The following SEPTIN9 variants were observed in gnomAD, a reference collection of about 807,000 sequenced individuals.
The protein encoded by SEPTIN9 is septin 9.
A neutral mutation model predicts 56.6 loss-of-function variants in SEPTIN9; 13 were observed. That is an observed-to-expected ratio of 0.23 (90% CI 0.15 to 0.37). The LOEUF (loss-of-function observed/expected upper bound fraction) is 0.37. Among genes scored for constraint, SEPTIN9 ranks in the 10% least tolerant of loss-of-function variants. SEPTIN9 has a pLI of 1.00. For synonymous variants in SEPTIN9, 332 were observed against 334.1 expected (o/e 0.99, Z 0.07); for missense variants, 650 against 823.1 (o/e 0.79, Z 2.57).
chr17:77,326,776 C>T lies in SEPTIN9; in HGVS notation c.76+19579C>T, dbSNP rs1274740165. 6.6e-6 allele frequency among the ~76,000 whole-genome samples: 1 copy of T among 152,158 alleles called. No individual in the cohort carries two copies. Among genetic ancestry groups the T allele is most frequent in the African/African-American group, 2.4e-5 (1 of 41,428 alleles). Reference sequence around the variant, plus strand: ...GGTAGAATCACAAGGTTCAGCACCACCCCGCAACCTCCAGGTAGGGGAGAG... The same window carrying T: ...GGTAGAATCACAAGGTTCAGCACCATCCCGCAACCTCCAGGTAGGGGAGAG... On this transcript the variant is annotated intron_variant, in intron 2 of 11. Transcript: ENST00000427177. This position sits in a 1 kb window ranked among gnomAD's most constrained non-coding sequence, Gnocchi z 5.1.
At chr17:77,488,121 C>T (rs199759084) in intron 5 of SEPTIN9, 119 bp from the exon 6 acceptor site, 39 of 847,528 alleles carry the variant, frequency 4.6e-5, no homozygotes, top group East Asian at 1.6e-4. Flanking sequence ...ATTAATTTCC[C>T]GGTGTCTCCT....
Position 77,493,058 on chromosome 17 carries a change from A to T in SEPTIN9, c.1555A>T (p.Lys519Ter). ...NGKRILGRKT[K>*]WGTIEVENTT... is the part of the protein sequence containing the mutation. ...CAAGAGGATCCTTGGGAGGAAGACC[A>T]AGTGGGGTACCATCGAAGGTACTCG... Residue 519 changes from lysine to a stop codon, truncating the protein, a stop_gained, in exon 10 of 12, where the codon AAG becomes TAG. Transcript: ENST00000427177. LOFTEE classifies it high-confidence loss of function. 1 of 1,560,838 alleles carries T rather than the reference A, an allele frequency of 6.4e-7. No homozygotes were observed. The highest frequency in any genetic ancestry group is 8.7e-7 in the Non-Finnish European group (1 of 1,152,748).
intron 1 of SEPTIN9, 133 bp from the exon 2 acceptor site, chr17:77,307,008 C>T: frequency 1.1e-6 from 1 of 873,774 alleles, no homozygotes; most frequent in Non-Finnish European, 2.0e-6. Context: ...CCTCTGTCCC[C>T]AGATGGGCCC....
At chr17:77,393,932 G>A (rs775129034) in intron 2 of SEPTIN9, among the ~76,000 whole-genome samples, 6 of 152,134 alleles carry the variant, frequency 3.9e-5, no homozygotes, top group Non-Finnish European at 7.4e-5. Flanking sequence ...AGGTGACACT[G>A]AGGACACTGA....
rs76076155 is a variant in SEPTIN9 at position 77,437,619 on chromosome 17, C to T, written c.721+34916C>T. On this transcript the variant is annotated intron_variant, in intron 3 of 11. Transcript: ENST00000427177. This position sits in a 1 kb window ranked among gnomAD's most constrained non-coding sequence, Gnocchi z 5.3. The stretch of plus-strand genomic sequence containing the variant: ...CCTGATGCTTCTGGTGGGGAGACCT[C>T]AGAGGGGCCTGCCGTCACCATCGCC... 6.4e-3 allele frequency among the ~76,000 whole-genome samples: 969 copies of T among 152,136 alleles called. 14 individuals are homozygous for T. Among genetic ancestry groups the T allele is most frequent in the African/African-American group, 0.022 (932 of 41,482 alleles).
intron 3 of SEPTIN9, among the ~76,000 whole-genome samples, chr17:77,455,646 G>A (rs2144446699): frequency 6.6e-6 from 1 of 152,320 alleles, no homozygotes; most frequent in Non-Finnish European, 1.5e-5. Context: ...CCTCCAAGGG[G>A]GCCCCCAGCG....
chr17:77,443,107 A>T (rs2037611377), intron 3 of SEPTIN9, among the ~76,000 whole-genome samples: 1 of 152,152 alleles, frequency 6.6e-6, no homozygotes, highest in Admixed American at 6.5e-5. Context: ...AAAAGCACAT[A>T]TTATGGGCTG....
chr17:77,487,121 A>C lies in SEPTIN9; in HGVS notation c.914-303A>C, dbSNP rs949945952. 2.0e-5 allele frequency among the ~76,000 whole-genome samples: 3 copies of C among 152,202 alleles called. No individual in the cohort carries two copies. Among genetic ancestry groups the C allele is most frequent in the Admixed American group, 1.3e-4 (2 of 15,286 alleles). ...TGAGCCACCAGGAGACCTCCTGTCC[A>C]GAAAGCACAAGGGGCACAAGAGATG... On this transcript the variant is annotated intron_variant, in intron 4 of 11. Coordinates refer to ENST00000427177, the MANE Select transcript of SEPTIN9 (RefSeq NM_001113491.2). The surrounding 1 kb of genome is among the most constrained non-coding windows in gnomAD (Gnocchi z 4.3).
chr17:77,376,463 T>A, intron 2 of SEPTIN9: 1 of 927,228 alleles, frequency 1.1e-6, no homozygotes, highest in Non-Finnish European at 1.3e-6. Context: ...GGCCCCAGGG[T>A]TCCTGAGGCC....
At chr17:77,388,809 GC>G (rs2035429442) in intron 2 of SEPTIN9, among the ~76,000 whole-genome samples, 3 of 74,086 alleles carry the variant, frequency 4.0e-5, no homozygotes, top group African/African-American at 2.2e-4. Flanking sequence ...GGTGTTAGGC[GC>G]TTTTTTTTTT....
In SEPTIN9 at chr17:77,492,325, G is replaced by C. The variant is rs1217720623; in HGVS notation, c.1381-296G>C. On this transcript the variant is annotated intron_variant, in intron 8 of 11. Transcript: ENST00000427177. The surrounding 1 kb of genome is among the most constrained non-coding windows in gnomAD (Gnocchi z 5.4). ...CAGGAGGGGAGGTCTCGGTAACCCT[G>C]AGTACTTTCTTGGGGCTGTGATGAG... is the stretch of plus-strand genomic sequence containing the variant. 6.6e-6 allele frequency among the ~76,000 whole-genome samples: 1 copy of C among 152,182 alleles called. No individual in the cohort carries two copies. Among genetic ancestry groups the C allele is most frequent in the Non-Finnish European group, 1.5e-5 (1 of 68,022 alleles).
rs200355348 is a variant in SEPTIN9, at chr17:77,431,076, C to G, written c.721+28373C>G. The stretch of plus-strand genomic sequence containing the variant: ...AAGCAATCTTTGCTGGGCGTGGTGG[C>G]TCACGCCTGTAATCCCAGCTTTGGG... On this transcript the variant is annotated intron_variant, in intron 3 of 11. Transcript: ENST00000427177. Among the ~76,000 whole-genome samples the G allele has an allele frequency of 2.0e-5, 3 of 151,828 alleles. No individual in the cohort carries two copies. The East Asian group carries it at 5.8e-4, about 29-fold the overall frequency.
At chr17:77,401,240 C>T (rs550351148) in intron 2 of SEPTIN9, among the ~76,000 whole-genome samples, 11 of 152,274 alleles carry the variant, frequency 7.2e-5, no homozygotes, top group South Asian at 2.1e-4. Flanking sequence ...TCGGTAGGCC[C>T]GGCGCCTCGC....
Position 77,324,442 on chromosome 17 carries a change from C to T in SEPTIN9, c.76+17245C>T, listed in dbSNP as rs138424472. Reference sequence around the variant, plus strand: ...GCCTTTTCCACTCGTTTCTGTGCTCCTGGTGAGGTGTCGGGGTCGGGCTTA... The same window carrying T: ...GCCTTTTCCACTCGTTTCTGTGCTCTTGGTGAGGTGTCGGGGTCGGGCTTA... On this transcript the variant is annotated intron_variant, in intron 2 of 11. Coordinates refer to ENST00000427177, the MANE Select transcript of SEPTIN9 (RefSeq NM_001113491.2). Among the ~76,000 whole-genome samples the T allele has an allele frequency of 2.5e-3, 376 of 152,244 alleles. 1 individual carries two copies. Among genetic ancestry groups the T allele is most frequent in the African/African-American group, 8.7e-3 (361 of 41,546 alleles).
chr17:77,385,774 T>C (rs1901473289), intron 2 of SEPTIN9, among the ~76,000 whole-genome samples: 1 of 152,152 alleles, frequency 6.6e-6, no homozygotes, highest in Non-Finnish European at 1.5e-5. Context: ...CTGCCAGCAC[T>C]GCTTGCTTCT....
intron 1 of SEPTIN9, among the ~76,000 whole-genome samples, chr17:77,301,292 A>G (rs1280449350): frequency 1.3e-5 from 2 of 152,026 alleles, no homozygotes; most frequent in Admixed American, 1.3e-4. Flanking sequence ...CCTAGCCTCA[A>G]GCCATCCTCC....
chr17:77,480,123 T>G (rs2039394441), intron 3 of SEPTIN9, among the ~76,000 whole-genome samples: 1 of 152,180 alleles, frequency 6.6e-6, no homozygotes, highest in Non-Finnish European at 1.5e-5. Context: ...CAGGTCCGCC[T>G]GTGGGTATTG....
rs1034891182 is a variant in SEPTIN9 at position 77,291,909 on chromosome 17, T to C, written c.19+10355T>C. ...TGCCCCCAAAACCAGACAAGTGTTC[T>C]TACCTTGACATTTTATTAAGACTTT... On this transcript the variant is annotated intron_variant, in intron 1 of 11. Coordinates refer to ENST00000427177, the MANE Select transcript of SEPTIN9 (RefSeq NM_001113491.2). 3.3e-5 allele frequency among the ~76,000 whole-genome samples: 5 copies of C among 152,218 alleles called. No homozygotes were observed. In the East Asian group the frequency reaches 9.6e-4, roughly 29 times the overall value.
chr17:77,413,939 TC>T (rs369482954), intron 3 of SEPTIN9, among the ~76,000 whole-genome samples: 4 of 145,760 alleles, frequency 2.7e-5, no homozygotes, highest in African/African-American at 2.7e-5. Context: ...CTCAGTATTT[TC>T]TTTTTTTTTT....
Sources: allele counts gnomAD v4.1 joint callset (sites outside exome capture counted in the v4.1 genomes callset), GRCh38; gene constraint gnomAD v4.1.1; non-coding constraint Gnocchi (gnomAD v3.1); transcripts MANE v1.5; gene names NCBI Gene and HGNC (gene_info 2026-07-23, HGNC 2026-07-21).